Variants in ANO2 observed in about 807,000 individuals in gnomAD.
ANO2 encodes anoctamin 2.
A neutral mutation model predicts 124.2 loss-of-function variants in ANO2; 101 were observed. That is an observed-to-expected ratio of 0.81 (90% CI 0.69 to 0.96). The LOEUF is 0.96. Among genes scored for constraint, ANO2 ranks in the 40% least tolerant of loss-of-function variants. ANO2 has a pLI of 0.00. For missense variants in ANO2, 1,293 were observed against 1,274.5 expected (o/e 1.01, Z -0.22); for synonymous variants, 486 against 482.5 (o/e 1.01, Z -0.09).
intron 16 of ANO2, among the ~76,000 whole-genome samples, chr12:5,632,775 T>C (rs1419480762): frequency 1.3e-5 from 2 of 152,154 alleles, no homozygotes; most frequent in Admixed American, 6.5e-5. Context: ...TATCACTATC[T>C]AGAGCAATGC....
chr12:5,840,999 G>A (rs1954495963), intron 4 of ANO2, among the ~76,000 whole-genome samples: 1 of 152,146 alleles, frequency 6.6e-6, no homozygotes, highest in African/African-American at 2.4e-5. Flanking sequence ...GCTGGGCAAG[G>A]ATGGAAGATT....
intron 3 of ANO2, among the ~76,000 whole-genome samples, chr12:5,885,730 A>G (rs752080528): frequency 2.0e-5 from 3 of 152,166 alleles, no homozygotes; most frequent in Admixed American, 2.0e-4. Context: ...GCAATCCTTA[A>G]TGAGCCATGA....
chr12:5,733,364 CG>C (rs1950722298), intron 13 of ANO2, among the ~76,000 whole-genome samples: 1 of 152,102 alleles, frequency 6.6e-6, no homozygotes, highest in Non-Finnish European at 1.5e-5. Context: ...GTGCAGATGC[CG>C]GGGTAGGAAA....
chr12:5,705,500 C>T (rs763798879), intron 14 of ANO2, among the ~76,000 whole-genome samples: 1 of 152,198 alleles, frequency 6.6e-6, no homozygotes, highest in Non-Finnish European at 1.5e-5. Flanking sequence ...GGCCAGGCTG[C>T]ACCCTCTGCC....
chr12:5,749,001 A>G (rs1283758189), intron 11 of ANO2, among the ~76,000 whole-genome samples: 2 of 152,174 alleles, frequency 1.3e-5, no homozygotes, highest in Non-Finnish European at 2.9e-5. Flanking sequence ...TATAATCTTC[A>G]GTTGATTTGA....
intron 14 of ANO2, among the ~76,000 whole-genome samples, chr12:5,724,325 G>T (rs1029908423): frequency 5.3e-5 from 8 of 152,012 alleles, no homozygotes; most frequent in Non-Finnish European, 5.9e-5. Flanking sequence ...GTGGTTATTC[G>T]GTCATTTAGT....
At chr12:5,782,736 A>G (rs945500675) in intron 10 of ANO2, among the ~76,000 whole-genome samples, 15 of 152,200 alleles carry the variant, frequency 9.9e-5, no homozygotes, top group African/African-American at 3.1e-4. Flanking sequence ...CAAAGGTCAC[A>G]AGTTTAAATG....
intron 10 of ANO2, among the ~76,000 whole-genome samples, chr12:5,790,697 T>C (rs180698302): frequency 4.0e-4 from 61 of 152,296 alleles, no homozygotes; most frequent in Non-Finnish European, 7.1e-4. Flanking sequence ...TGGAAGCTAC[T>C]TGATAGCTCT....
chr12:5,776,871 G>A (rs1439859531), intron 10 of ANO2, among the ~76,000 whole-genome samples: 1 of 152,192 alleles, frequency 6.6e-6, no homozygotes, highest in African/African-American at 2.4e-5. Context: ...CTCTGGAGGT[G>A]TATGGGGGCA....
intron 3 of ANO2, among the ~76,000 whole-genome samples, chr12:5,879,415 G>A (rs1290289232): frequency 1.3e-5 from 2 of 152,176 alleles, no homozygotes; most frequent in African/African-American, 4.8e-5. Context: ...TAATCTTAGG[G>A]AACGGTATAG....
chr12:5,610,860 A>C (rs1555100587), intron 19 of ANO2, among the ~76,000 whole-genome samples: 13 of 103,344 alleles, frequency 1.3e-4, no homozygotes, highest in Non-Finnish European at 2.7e-4. Context: ...ACACACACAC[A>C]ACCCTAAGGG....
In ANO2 at chr12:5,563,495, A is replaced by C. The variant is rs769630475; in HGVS notation, c.2801T>G (p.Ile934Ser). ...CACTAATAAGCTCTTCTCTTTCTTG[A>C]TCTGGTCGCTGATGTCCGTGGGGAT... is the stretch of plus-strand genomic sequence containing the variant. ...PDIPTDISDQIKKEKSLLVDF... is the reference protein window; with the variant it reads ...PDIPTDISDQSKKEKSLLVDF... Residue 934 changes from isoleucine to serine, a missense_variant, in exon 25 of 25, where the codon ATC (isoleucine) becomes AGC (serine). Transcript: ENST00000682330. The C allele has an allele frequency of 7.4e-6, 12 of 1,613,932 alleles. No individual in the cohort carries two copies. Among genetic ancestry groups the C allele is most frequent in the Non-Finnish European group, 1.0e-5 (12 of 1,179,884 alleles).
intron 14 of ANO2, among the ~76,000 whole-genome samples, chr12:5,653,638 T>C (rs1273329556): frequency 6.6e-6 from 1 of 152,198 alleles, no homozygotes; most frequent in Non-Finnish European, 1.5e-5. Context: ...ACATCAAATA[T>C]GTACCAAGCA....
intron 9 of ANO2, among the ~76,000 whole-genome samples, chr12:5,802,414 G>A (rs1041258871): frequency 1.5e-4 from 23 of 152,242 alleles, no homozygotes; most frequent in African/African-American, 5.3e-4. Context: ...GGGAGGCGGT[G>A]CAGCAATTAC....
intron 1 of ANO2, among the ~76,000 whole-genome samples, chr12:5,930,436 T>C (rs1591808263): frequency 1.3e-5 from 2 of 152,148 alleles, no homozygotes; most frequent in East Asian, 3.9e-4. Flanking sequence ...TGTTGGGAGA[T>C]GAAGTGGTCC....
chr12:5,820,187 T>C (rs11063878), intron 7 of ANO2, among the ~76,000 whole-genome samples: 46,683 of 152,048 alleles, frequency 0.31, 7,505 homozygotes, highest in Middle Eastern at 0.38. Context: ...GACCCCACTA[T>C]ACTACTGACA....
chr12:5,868,670 C>T (rs558122587), intron 3 of ANO2, among the ~76,000 whole-genome samples: 2 of 152,334 alleles, frequency 1.3e-5, no homozygotes, highest in East Asian at 3.9e-4. Flanking sequence ...TTTTCTCCCC[C>T]TCTATGAGGC....
At chr12:5,832,845 G>A (rs547122989) in intron 4 of ANO2, among the ~76,000 whole-genome samples, 2 of 152,280 alleles carry the variant, frequency 1.3e-5, no homozygotes, top group South Asian at 2.1e-4. Context: ...AAATAAGTGA[G>A]GAGTACAAAC....
chr12:5,579,344 C>T (rs1007924503), intron 20 of ANO2, among the ~76,000 whole-genome samples: 4 of 152,176 alleles, frequency 2.6e-5, no homozygotes, highest in African/African-American at 4.8e-5. Flanking sequence ...TGGAGAGGAA[C>T]GTACATTGTT....
Sources: gnomAD v4.1 joint callset for allele counts (sites outside exome capture counted in the v4.1 genomes callset) on GRCh38, gnomAD v4.1.1 for gene constraint, MANE v1.5 for transcripts, NCBI Gene and HGNC (gene_info 2026-07-23, HGNC 2026-07-21) for gene names.